MAD1L1: variants seen among roughly 807,000 people sequenced by gnomAD.
The protein encoded by MAD1L1 is mitotic spindle assembly checkpoint protein MAD1.
MAD1L1 carries 95 observed loss-of-function variants against 96.9 expected under a neutral mutation model. The observed-to-expected ratio is 0.98, with a 90% CI of 0.83 to 1.16. MAD1L1 has a LOEUF of 1.16. Ranked by LOEUF, MAD1L1 falls within the 50% of genes most tolerant of loss-of-function variation. The pLI, the probability that MAD1L1 is intolerant of heterozygous loss-of-function variation, is 0.00. For missense variants in MAD1L1, 1,007 were observed against 954.4 expected (o/e 1.06, Z -0.73); for synonymous variants, 473 against 396.6 (o/e 1.19, Z -2.29).
chr7:2,056,874 C>T lies in MAD1L1; in HGVS notation c.1218+12320G>A, dbSNP rs776310629. Among the ~76,000 whole-genome samples, 10 of 152,338 alleles carry T rather than the reference C, an allele frequency of 6.6e-5. No homozygotes were observed. In the Middle Eastern group the frequency reaches 0.01, roughly 155 times the overall value. On this transcript the variant is annotated intron_variant, in intron 12 of 18. Coordinates refer to ENST00000265854, the MANE Select transcript of MAD1L1 (RefSeq NM_001013836.2). ...ACCACGACCACCTACGGCATTGCCA[C>T]GGGGAAGCCGGGGAGACGTGGCACC...
intron 10 of MAD1L1, among the ~76,000 whole-genome samples, chr7:2,165,973 G>A (rs915985278): frequency 1.3e-5 from 2 of 152,210 alleles, no homozygotes; most frequent in African/African-American, 4.8e-5. Flanking sequence ...CTCTGCGAAA[G>A]AGGAAGTAAG....
At chr7:1,831,691 G>T (rs1782710857) in intron 18 of MAD1L1, among the ~76,000 whole-genome samples, 1 of 152,218 alleles carries the variant, frequency 6.6e-6, no homozygotes, top group Admixed American at 6.5e-5. Context: ...TAAGAAAGCA[G>T]AACAGGCTTA....
chr7:2,076,500 G>C (rs140481142), intron 11 of MAD1L1, among the ~76,000 whole-genome samples: 1 of 152,190 alleles, frequency 6.6e-6, no homozygotes, highest in East Asian at 1.9e-4. Context: ...TCAGATCCCC[G>C]ACTATGGTAC....
intron 15 of MAD1L1, among the ~76,000 whole-genome samples, chr7:1,964,517 G>A (rs1390188230): frequency 1.3e-5 from 2 of 152,184 alleles, no homozygotes; most frequent in African/African-American, 2.4e-5. Flanking sequence ...GAGAACAAAC[G>A]AATAAACAAG....
At chr7:2,193,596 A>G (rs972710138) in intron 10 of MAD1L1, 4 of 152,300 alleles carry the variant, frequency 2.6e-5, no homozygotes, top group Admixed American at 6.5e-5. Context: ...AAGGCGAGAC[A>G]GAAATGAGCA....
chr7:2,129,680 A>C (rs1788418197), intron 11 of MAD1L1, among the ~76,000 whole-genome samples: 1 of 152,228 alleles, frequency 6.6e-6, no homozygotes. Context: ...ACACAGCTGG[A>C]CACGCAGGCT....
intron 13 of MAD1L1, among the ~76,000 whole-genome samples, chr7:2,007,575 A>G (rs6945863): frequency 0.98 from 149,854 of 152,272 alleles, 73,785 homozygotes; most frequent in Non-Finnish European, 1. Context: ...TCAGGATACC[A>G]AGGCAGGAGA....
intron 12 of MAD1L1, among the ~76,000 whole-genome samples, chr7:2,028,451 C>A (rs1010602029): frequency 1.3e-5 from 2 of 150,536 alleles, no homozygotes; most frequent in African/African-American, 4.9e-5. Flanking sequence ...AAAAGTATGA[C>A]CTAAACACAT....
intron 14 of MAD1L1, among the ~76,000 whole-genome samples, chr7:1,993,307 T>C (rs1199272141): frequency 6.6e-6 from 1 of 152,186 alleles, no homozygotes; most frequent in Admixed American, 6.5e-5. Context: ...GCACAGGGCT[T>C]CTGGGGGAGC....
In MAD1L1 at chr7:1,827,663, G is replaced by T. The variant is rs12538464; in HGVS notation, c.1999-11435C>A. ...GTGGGGGCCTCCCCTCCTGAGCCCG[G>T]CCCGGGTGTGGGGGCCTCCCCTCCT... On this transcript the variant is annotated intron_variant, in intron 18 of 18. Coordinates refer to ENST00000265854, the MANE Select transcript of MAD1L1 (RefSeq NM_001013836.2). Among the ~76,000 whole-genome samples, 304 of 74,334 alleles carry T rather than the reference G, an allele frequency of 4.1e-3. 68 individuals carry two copies. The highest frequency in any genetic ancestry group is 6.5e-3 in the African/African-American group (110 of 16,884). 48.8% of individuals were successfully genotyped at this position (74,334 alleles called of 152,430 possible).
chr7:1,843,774 C>T (rs1302966439), intron 18 of MAD1L1, among the ~76,000 whole-genome samples: 6 of 152,156 alleles, frequency 3.9e-5, no homozygotes, highest in African/African-American at 1.2e-4. Context: ...AGAAGCCCCA[C>T]GGCAGGCCAC....
chr7:1,881,821 T>C (rs1370514968), intron 18 of MAD1L1, among the ~76,000 whole-genome samples: 4 of 152,152 alleles, frequency 2.6e-5, no homozygotes, highest in Non-Finnish European at 5.9e-5. Context: ...TCACTCCAGG[T>C]GACGGGTGAT....
intron 12 of MAD1L1, among the ~76,000 whole-genome samples, chr7:2,029,125 A>G (rs777256498): frequency 2.0e-5 from 3 of 152,266 alleles, no homozygotes; most frequent in Non-Finnish European, 4.4e-5. Context: ...AAGCTGCTAC[A>G]GAATGAGAGG....
At chr7:2,191,726 G>A (rs557289637) in intron 10 of MAD1L1, among the ~76,000 whole-genome samples, 9 of 151,732 alleles carry the variant, frequency 5.9e-5, no homozygotes, top group Non-Finnish European at 1.0e-4. Context: ...GCAAGACTCT[G>A]TCTCAAAAAA....
At chr7:2,220,707 G>A (rs566179618) in intron 5 of MAD1L1, among the ~76,000 whole-genome samples, 140 of 152,334 alleles carry the variant, frequency 9.2e-4, no homozygotes, top group Non-Finnish European at 9.6e-4. Flanking sequence ...ACCCCACGCC[G>A]CTCTGGGAAG....
At chr7:2,024,693 C>T (rs1046907570) in intron 12 of MAD1L1, among the ~76,000 whole-genome samples, 8 of 152,186 alleles carry the variant, frequency 5.3e-5, no homozygotes, top group African/African-American at 1.7e-4. Context: ...CCATCTCAGG[C>T]GGGTTTGTGG....
chr7:2,076,072 G>C (rs74449746), intron 11 of MAD1L1, among the ~76,000 whole-genome samples: 1 of 152,256 alleles, frequency 6.6e-6, no homozygotes, highest in African/African-American at 2.4e-5. Context: ...GACCTGATCC[G>C]ACCCTTGGGA....
intron 13 of MAD1L1, among the ~76,000 whole-genome samples, chr7:2,010,949 C>A (rs1782272020): frequency 6.6e-6 from 1 of 152,080 alleles, no homozygotes; most frequent in Non-Finnish European, 1.5e-5. Flanking sequence ...AAGATGGAGA[C>A]AGGAACTATC....
intron 12 of MAD1L1, among the ~76,000 whole-genome samples, chr7:2,057,527 C>T (rs894229140): frequency 1.3e-5 from 2 of 151,702 alleles, no homozygotes; most frequent in Admixed American, 6.6e-5. Context: ...CACCGCCCCC[C>T]CAAAAAGAAG....
Sources: allele counts gnomAD v4.1 joint callset (sites outside exome capture counted in the v4.1 genomes callset), GRCh38; gene constraint gnomAD v4.1.1; transcripts MANE v1.5; gene names NCBI Gene and HGNC (gene_info 2026-07-23, HGNC 2026-07-21).